Variants in ZRANB3 observed in about 807,000 individuals in gnomAD.
ZRANB3 encodes the protein zinc finger RANBP2-type containing 3.
A neutral mutation model predicts 133.8 loss-of-function variants in ZRANB3; 125 were observed. That is an observed-to-expected ratio of 0.93 (90% CI 0.81 to 1.08). ZRANB3 has a LOEUF of 1.08. Ranked by LOEUF, ZRANB3 falls within the 50% of genes least tolerant of loss-of-function variation. The pLI, the probability that ZRANB3 is intolerant of heterozygous loss-of-function variation, is 0.00. For missense variants in ZRANB3, 1,229 were observed against 1,275.5 expected, an observed-to-expected ratio of 0.96 and a Z score of 0.56; for synonymous variants, 387 against 432.7, an observed-to-expected ratio of 0.89 and a Z score of 1.31.
At chr2:135,457,574 T>C (rs1391687129) in intron 2 of ZRANB3, among the ~76,000 whole-genome samples, 2 of 152,152 alleles carry the variant, frequency 1.3e-5, no homozygotes, top group East Asian at 3.8e-4. Flanking sequence ...TGGATGAATG[T>C]CTATTCATAT....
At chr2:135,406,040 T>A (rs1441503393) in intron 2 of ZRANB3, among the ~76,000 whole-genome samples, 2 of 152,090 alleles carry the variant, frequency 1.3e-5, no homozygotes, top group African/African-American at 2.4e-5. Flanking sequence ...GGAGCTGGTT[T>A]TTTGAGAAGA....
chr2:135,206,537 G>C (rs1693865337), intron 19 of ZRANB3, among the ~76,000 whole-genome samples: 1 of 152,092 alleles, frequency 6.6e-6, no homozygotes, highest in Non-Finnish European at 1.5e-5. Context: ...ACTGAGCCCA[G>C]CAAAAGGCAT....
At chr2:135,501,364 T>C (rs979152789) in intron 2 of ZRANB3, among the ~76,000 whole-genome samples, 9 of 152,148 alleles carry the variant, frequency 5.9e-5, no homozygotes, top group African/African-American at 2.2e-4. Flanking sequence ...TCCTTCCCTT[T>C]TGGGAAAATG....
chr2:135,441,724 T>C (rs1328108318), intron 2 of ZRANB3, among the ~76,000 whole-genome samples: 1 of 152,098 alleles, frequency 6.6e-6, no homozygotes, highest in Non-Finnish European at 1.5e-5. Context: ...ATTAAGTCAA[T>C]GTTAAACTCA....
intron 1 of ZRANB3, among the ~76,000 whole-genome samples, chr2:135,529,843 C>CA (rs1190559304): frequency 2.0e-5 from 3 of 151,664 alleles, no homozygotes; most frequent in Non-Finnish European, 4.4e-5. Context: ...GGTCGTTACT[C>CA]AAAGAGTGGT....
chr2:135,433,972 G>C (rs1422384625), intron 2 of ZRANB3, among the ~76,000 whole-genome samples: 1 of 152,142 alleles, frequency 6.6e-6, no homozygotes, highest in African/African-American at 2.4e-5. Context: ...ACTCCAGCCT[G>C]GTGACAGAGC....
intron 2 of ZRANB3, among the ~76,000 whole-genome samples, chr2:135,425,889 A>G (rs1689041863): frequency 6.6e-6 from 1 of 152,140 alleles, no homozygotes; most frequent in African/African-American, 2.4e-5. Context: ...AAACCATACA[A>G]AAGATCAATG....
chr2:135,399,197 T>A (rs1687634048), intron 2 of ZRANB3, among the ~76,000 whole-genome samples: 1 of 152,174 alleles, frequency 6.6e-6, no homozygotes, highest in Non-Finnish European at 1.5e-5. Flanking sequence ...TGTCACCTGG[T>A]CTCCCAGCTC....
intron 17 of ZRANB3, 92 bp from the exon 18 acceptor site, chr2:135,209,070 A>AG: frequency 8.3e-7 from 1 of 1,199,588 alleles, no homozygotes; most frequent in Non-Finnish European, 1.2e-6. Context: ...AAGCAATAGA[A>AG]GAAAAAGCAA....
In ZRANB3 at chr2:135,269,095, T is replaced by G. The variant is rs1392912522; in HGVS notation, c.1253A>C (p.Tyr418Ser). 6.2e-7 allele frequency: 1 copy of G among 1,611,504 alleles called. No homozygotes were observed. Among genetic ancestry groups the G allele is most frequent in the South Asian group, 1.1e-5 (1 of 90,508 alleles). ...TTGTTTTATATGTCCAGGGTCCCAG[T>G]ACAACTCAGCAAATACAACATGACT... ...AASHVVFAEL[Y>S]WDPGHIKQAE... Residue 418 changes from tyrosine to serine, a missense_variant, in exon 11 of 21, where the codon TAC becomes TCC. Physicochemically the swap from Tyr to Ser is moderately radical, Grantham distance 144. Transcript: ENST00000264159.
intron 2 of ZRANB3, among the ~76,000 whole-genome samples, chr2:135,495,203 A>G (rs1422346494): frequency 6.6e-6 from 1 of 152,182 alleles, no homozygotes; most frequent in Non-Finnish European, 1.5e-5. Flanking sequence ...ACTCCAGCCT[A>G]CGTGACAGAG....
At chr2:135,517,995 G>C (rs369895604) in intron 1 of ZRANB3, among the ~76,000 whole-genome samples, 2 of 152,174 alleles carry the variant, frequency 1.3e-5, no homozygotes, top group Non-Finnish European at 2.9e-5. Context: ...GGCTAGAGTG[G>C]CTTTGCGTGC....
chr2:135,356,829 T>G (rs1181689578), intron 3 of ZRANB3, among the ~76,000 whole-genome samples: 1 of 151,948 alleles, frequency 6.6e-6, no homozygotes, highest in Non-Finnish European at 1.5e-5. Context: ...CTCAGCCCCC[T>G]GGGTAGCCAG....
At chr2:135,382,392 G>A (rs920928234) in intron 3 of ZRANB3, among the ~76,000 whole-genome samples, 11 of 152,136 alleles carry the variant, frequency 7.2e-5, no homozygotes, top group African/African-American at 1.9e-4. Flanking sequence ...GTGACGGGGC[G>A]AATGGAACCA....
chr2:135,523,137 A>ATAG (rs1694015964), intron 1 of ZRANB3, among the ~76,000 whole-genome samples: 1 of 152,198 alleles, frequency 6.6e-6, no homozygotes, highest in Admixed American at 6.5e-5. Flanking sequence ...GTCTCAGTAA[A>ATAG]TAGTACAACC....
intron 10 of ZRANB3, among the ~76,000 whole-genome samples, chr2:135,270,711 G>A (rs926766683): frequency 6.6e-6 from 1 of 152,112 alleles, no homozygotes; most frequent in Non-Finnish European, 1.5e-5. Flanking sequence ...TTGTGGAACT[G>A]CTTCATCCTC....
In ZRANB3 at chr2:135,418,925, C is replaced by CTCTTTTT. The variant is rs60788576; in HGVS notation, c.162-28106_162-28105insAAAAAGA. On this transcript the variant is annotated intron_variant, in intron 2 of 20. Transcript: ENST00000264159. ...AAGTAATGAAAAATAAGGATTCTCTCTTTTTTTTTTTTTTTTTTTTTTTTT... is the reference window on the plus strand; with the variant it reads ...AAGTAATGAAAAATAAGGATTCTCTCTCTTTTTTTTTTTTTTTTTTTTTTTTTTTTTT... 3.8e-4 allele frequency among the ~76,000 whole-genome samples: 33 copies of CTCTTTTT among 85,900 alleles called. 1 individual carries two copies. Among genetic ancestry groups the CTCTTTTT allele is most frequent in the South Asian group, 3.3e-3 (6 of 1,844 alleles). 56.4% of individuals were successfully genotyped at this position (85,900 alleles called of 152,430 possible). A position where few individuals can be genotyped will look rare whatever the true frequency, so the allele number is the denominator to read the frequency against.
chr2:135,235,242 AG>A (rs1213603011), intron 12 of ZRANB3, among the ~76,000 whole-genome samples: 2 of 152,272 alleles, frequency 1.3e-5, no homozygotes, highest in Non-Finnish European at 2.9e-5. Flanking sequence ...ACCAGGAAGA[AG>A]TTGAATCTCT....
chr2:135,447,274 G>T (rs1358666932), intron 2 of ZRANB3, among the ~76,000 whole-genome samples: 3 of 152,068 alleles, frequency 2.0e-5, no homozygotes, highest in Non-Finnish European at 4.4e-5. Flanking sequence ...CCTGACCTCA[G>T]GTGATCTGCC....
Sources: gnomAD v4.1 joint callset for allele counts (sites outside exome capture counted in the v4.1 genomes callset) on GRCh38, gnomAD v4.1.1 for gene constraint, MANE v1.5 for transcripts, NCBI Gene and HGNC (gene_info 2026-07-23, HGNC 2026-07-21) for gene names.